The following C8orf89 variants were observed in gnomAD, a reference collection of about 807,000 sequenced individuals.
C8orf89 encodes the protein putative uncharacterized protein C8orf89.
In C8orf89, 14 loss-of-function variants were observed where a neutral mutation model predicts 15.8. That is an observed-to-expected ratio of 0.89 (90% CI 0.59 to 1.39). C8orf89 has a LOEUF of 1.39. Among genes scored for constraint, C8orf89 ranks in the 40% most tolerant of loss-of-function variants. The pLI, the probability that C8orf89 is intolerant of heterozygous loss-of-function variation, is 0.00. For synonymous variants in C8orf89, 55 were observed against 62.2 expected, an observed-to-expected ratio of 0.88 and a Z score of 0.54; for missense variants, 181 against 184.5, an observed-to-expected ratio of 0.98 and a Z score of 0.11.
At chr8:73,267,836 G>A in the C8orf89 span, among the ~76,000 whole-genome samples, 28 of 152,244 alleles carry the variant, frequency 1.8e-4, no homozygotes, top group Non-Finnish European at 1.5e-4. Context: ...TTAGTTGAAA[G>A]TCCCTGGAGA....
In C8orf89 at chr8:73,241,331, T is replaced by G; in HGVS notation, c.*126A>C. The G allele has an allele frequency of 2.7e-6, 2 of 739,350 alleles. No individual in the cohort carries two copies. The highest frequency in any genetic ancestry group is 3.8e-6 in the Non-Finnish European group (2 of 528,450). 45.8% of individuals were successfully genotyped at this position (739,350 alleles called of 1,614,324 possible). The stretch of plus-strand genomic sequence containing the variant: ...TAACAAAATACAAATGACTCATCTA[T>G]AATGTAAAATATTTATTTATTTACA... On this transcript the variant is annotated 3_prime_UTR_variant, in exon 4 of 4. Transcript: ENST00000624510.
intron 3 of C8orf89, among the ~76,000 whole-genome samples, chr8:73,241,839 C>T (rs567811237): frequency 2.0e-5 from 3 of 152,168 alleles, no homozygotes; most frequent in East Asian, 3.9e-4. Context: ...ATAGTGGATT[C>T]ATTTTTAACA....
At chr8:73,273,532 G>C in the C8orf89 span, among the ~76,000 whole-genome samples, 1 of 152,170 alleles carries the variant, frequency 6.6e-6, no homozygotes, top group African/African-American at 2.4e-5. Context: ...GTGGGGCTGA[G>C]GGCAGCTCAG....
At chr8:73,249,386 T>A (rs1167590441) in intron 3 of C8orf89, among the ~76,000 whole-genome samples, 1 of 152,174 alleles carries the variant, frequency 6.6e-6, no homozygotes, top group South Asian at 2.1e-4. Flanking sequence ...GTTTTCTTTT[T>A]TTGTTGTATC....
At chr8:73,284,273 G>A in the C8orf89 span, among the ~76,000 whole-genome samples, 2 of 130,444 alleles carry the variant, frequency 1.5e-5, no homozygotes. Context: ...GTGTGCAGTG[G>A]CACCATCTTG....
intron 2 of C8orf89, among the ~76,000 whole-genome samples, chr8:73,256,498 C>T (rs1813388412): frequency 6.6e-6 from 1 of 151,712 alleles, no homozygotes; most frequent in Non-Finnish European, 1.5e-5. Flanking sequence ...GGGAGGCTGA[C>T]TTGGGCAGAT....
upstream of C8orf89, chr8:73,259,577 CT>C: frequency 1.8e-6 from 1 of 567,344 alleles, no homozygotes; most frequent in Non-Finnish European, 2.7e-6. Context: ...TAATGTTTCT[CT>C]TTCAAACTTT....
chr8:73,258,680 G>A (rs1813461219), intron 1 of C8orf89, among the ~76,000 whole-genome samples: 2 of 145,402 alleles, frequency 1.4e-5, no homozygotes, highest in South Asian at 2.1e-4. Context: ...CCAGACTGAA[G>A]TACAGTGGCA....
chr8:73,248,800 A>C (rs1452885813), intron 3 of C8orf89, among the ~76,000 whole-genome samples: 1 of 152,066 alleles, frequency 6.6e-6, no homozygotes, highest in African/African-American at 2.4e-5. Context: ...TGTATCTTGA[A>C]ATTTTGCTGA....
chr8:73,249,069 T>C (rs1197885774), intron 3 of C8orf89, among the ~76,000 whole-genome samples: 1 of 152,216 alleles, frequency 6.6e-6, no homozygotes, highest in East Asian at 1.9e-4. Context: ...TTGTCATAGA[T>C]GGCTTTTATT....
chr8:73,264,986 A>C, the C8orf89 span, among the ~76,000 whole-genome samples: 2 of 152,206 alleles, frequency 1.3e-5, no homozygotes, highest in South Asian at 4.1e-4. Context: ...GGTAGACCCT[A>C]GTCATAGGTG....
At chr8:73,281,506 T>A in the C8orf89 span, among the ~76,000 whole-genome samples, 2 of 152,202 alleles carry the variant, frequency 1.3e-5, no homozygotes, top group Non-Finnish European at 2.9e-5. Flanking sequence ...TGATTAAAGA[T>A]AAAGCACATG....
At chr8:73,247,324 T>C (rs1156618143) in intron 3 of C8orf89, among the ~76,000 whole-genome samples, 1 of 152,252 alleles carries the variant, frequency 6.6e-6, no homozygotes, top group African/African-American at 2.4e-5. Context: ...TACCACATTT[T>C]CCTTATCCAG....
the C8orf89 span, among the ~76,000 whole-genome samples, chr8:73,271,509 C>A: frequency 8.1e-4 from 123 of 152,268 alleles, no homozygotes; most frequent in African/African-American, 2.8e-3. Context: ...ACTTTCTCTG[C>A]CATTTTTTGA....
chr8:73,242,962 T>A (rs932472997), intron 3 of C8orf89, among the ~76,000 whole-genome samples: 3 of 152,072 alleles, frequency 2.0e-5, no homozygotes, highest in African/African-American at 7.2e-5. Context: ...CACAATGGAG[T>A]ACTATTCAGC....
intron 3 of C8orf89, among the ~76,000 whole-genome samples, chr8:73,249,538 G>C (rs1813202331): frequency 6.6e-6 from 1 of 152,088 alleles, no homozygotes; most frequent in Admixed American, 6.6e-5. Flanking sequence ...CTGTGAATCT[G>C]TCTAGTCCTG....
intron 2 of C8orf89, among the ~76,000 whole-genome samples, chr8:73,256,737 A>AAAAAAAAAAAAAAAAAAAAAAAAAAAAAC (rs1813397483): frequency 6.6e-6 from 1 of 150,786 alleles, no homozygotes; most frequent in African/African-American, 2.4e-5. Flanking sequence ...AAAAAAAAAA[A>AAAAAAAAAAAAAAAAAAAAAAAAAAAAAC]AAAAAAAAAA....
chr8:73,284,744 TAAAAA>T, the C8orf89 span, among the ~76,000 whole-genome samples: 1 of 152,130 alleles, frequency 6.6e-6, no homozygotes, highest in Non-Finnish European at 1.5e-5. Flanking sequence ...AGGAAGAACT[TAAAAA>T]AGGAAATGTC....
At chr8:73,285,338 G>A in the C8orf89 span, among the ~76,000 whole-genome samples, 1 of 152,126 alleles carries the variant, frequency 6.6e-6, no homozygotes, top group Non-Finnish European at 1.5e-5. Context: ...AGGCGGACCC[G>A]CTTCCCTCAA....
Sources: allele counts gnomAD v4.1 joint callset (sites outside exome capture counted in the v4.1 genomes callset), GRCh38; gene constraint gnomAD v4.1.1; transcripts MANE v1.5; gene names NCBI Gene and HGNC (gene_info 2026-07-23, HGNC 2026-07-21).